OPA1: variants seen among roughly 807,000 people sequenced by gnomAD.
OPA1 encodes dynamin-like GTPase OPA1, mitochondrial.
In OPA1, 59 loss-of-function variants were observed where a neutral mutation model predicts 152.9. That is an observed-to-expected ratio of 0.39 (90% CI 0.31 to 0.48). OPA1 has a LOEUF of 0.48. OPA1 is among the 20% of genes least tolerant of loss of function. OPA1 has a pLI of 0.96. For missense variants in OPA1, 1,008 were observed against 1,216.8 expected, an observed-to-expected ratio of 0.83 and a Z score of 2.55; for synonymous variants, 400 against 389.9, an observed-to-expected ratio of 1.03 and a Z score of -0.31.
Position 193,643,013 on chromosome 3 carries a change from G to A in OPA1, c.1269G>A (p.Arg423=). The change falls in exon 13 of 31, where the codon AGG becomes AGA. Residue 423 remains arginine, a synonymous_variant. Coordinates refer to ENST00000361510, the MANE Select transcript of OPA1 (RefSeq NM_130837.3). The part of the protein sequence containing the change: ...ALRHEIELRM[R]KNVKEGCTVS... Reference sequence around the variant, plus strand: ...GACATGAAATAGAACTTCGAATGAGGAAAAATGTGAAAGAAGGCTGTACCG... The same window carrying A: ...GACATGAAATAGAACTTCGAATGAGAAAAAATGTGAAAGAAGGCTGTACCG... 1 of 1,613,898 alleles carries A rather than the reference G, an allele frequency of 6.2e-7. No individual in the cohort carries two copies. The highest frequency in any genetic ancestry group is 8.5e-7 in the Non-Finnish European group (1 of 1,179,850).
At chr3:193,598,063 A>G (rs185036051) in intron 1 of OPA1, among the ~76,000 whole-genome samples, 4 of 152,360 alleles carry the variant, frequency 2.6e-5, no homozygotes, top group Admixed American at 2.6e-4. Context: ...GTTGGGCAAC[A>G]GAGCAAGACT....
rs960680557 is a variant in OPA1 at position 193,644,442 on chromosome 3, A to G, written c.1608+337A>G. 4.1e-4 allele frequency among the ~76,000 whole-genome samples: 62 copies of G among 152,176 alleles called. 2 individuals are homozygous for G. The highest frequency in any genetic ancestry group is 4.1e-3 in the Admixed American group (62 of 15,276). On this transcript the variant is annotated intron_variant, in intron 16 of 30. Coordinates refer to ENST00000361510, the MANE Select transcript of OPA1 (RefSeq NM_130837.3). ...CACCCTCATGTACCAAAATTATTTC[A>G]TACTCCCAAAAGGAAAGCATATGTT...
chr3:193,671,182 C>T (rs1158386441), intron 29 of OPA1, among the ~76,000 whole-genome samples: 1 of 152,182 alleles, frequency 6.6e-6, no homozygotes. Flanking sequence ...AGTAACTTTA[C>T]AGTGGATGAA....
At chr3:193,660,626 C>G (rs1368887975) in intron 25 of OPA1, among the ~76,000 whole-genome samples, 1 of 151,946 alleles carries the variant, frequency 6.6e-6, no homozygotes, top group African/African-American at 2.4e-5. Flanking sequence ...TTCATAAGTT[C>G]TCTATCAGAT....
At chr3:193,633,804 C>G (rs879656344) in intron 8 of OPA1, among the ~76,000 whole-genome samples, 9 of 152,168 alleles carry the variant, frequency 5.9e-5, no homozygotes, top group Non-Finnish European at 1.2e-4. Context: ...TGCTTGATAA[C>G]TACATGTGGC....
At chr3:193,689,093 A>G (rs1451098084) in intron 29 of OPA1, 2 of 152,232 alleles carry the variant, frequency 1.3e-5, no homozygotes, top group Non-Finnish European at 2.9e-5. Flanking sequence ...AGGTTGTATG[A>G]GAACCAAATG....
intron 29 of OPA1, chr3:193,668,935 C>T: frequency 1.1e-6 from 1 of 879,134 alleles, no homozygotes; most frequent in Non-Finnish European, 1.4e-6. Flanking sequence ...GTTGGTACCT[C>T]TGTTTGAGCC....
intron 1 of OPA1, among the ~76,000 whole-genome samples, chr3:193,600,025 A>C (rs1726224407): frequency 6.6e-6 from 1 of 152,346 alleles, no homozygotes; most frequent in South Asian, 2.1e-4. Flanking sequence ...GCCAACACTC[A>C]GCTGTTATTA....
chr3:193,603,157 A>G (rs1718571310), intron 1 of OPA1, among the ~76,000 whole-genome samples: 1 of 152,234 alleles, frequency 6.6e-6, no homozygotes, highest in Non-Finnish European at 1.5e-5. Flanking sequence ...CTGTTCCATG[A>G]TGAGCTGTGG....
intron 1 of OPA1, among the ~76,000 whole-genome samples, chr3:193,613,545 C>G (rs1233584359): frequency 6.6e-6 from 1 of 151,766 alleles, no homozygotes; most frequent in Admixed American, 6.6e-5. Context: ...TTCCTTGATT[C>G]CTCCTCCTCC....
At position 193,683,073 on chromosome 3, in the gene OPA1, G is replaced by A. The variant is rs142760573; in HGVS notation, c.2984-8990G>A. Among the ~76,000 whole-genome samples, 3 of 152,268 alleles carry A rather than the reference G, an allele frequency of 2.0e-5. No homozygotes were observed. In the East Asian group the frequency reaches 5.8e-4, roughly 29 times the overall value. On this transcript the variant is annotated intron_variant, in intron 29 of 30. Transcript: ENST00000361510. ...AGGATTCATGGGAGGAGGTCAGAAT[G>A]TCACCATTAACAGTTTGGAAGAAGT...
At chr3:193,689,595 G>A (rs899335570) in intron 29 of OPA1, among the ~76,000 whole-genome samples, 1 of 152,122 alleles carries the variant, frequency 6.6e-6, no homozygotes, top group African/African-American at 2.4e-5. Flanking sequence ...GTGGCTCTTG[G>A]TATCTTTCAA....
At chr3:193,600,069 T>C (rs1207073285) in intron 1 of OPA1, among the ~76,000 whole-genome samples, 1 of 152,228 alleles carries the variant, frequency 6.6e-6, no homozygotes, top group African/African-American at 2.4e-5. Context: ...TTTTCGATTT[T>C]GTCTGCCTAT....
At chr3:193,600,028 T>C (rs1202337620) in intron 1 of OPA1, among the ~76,000 whole-genome samples, 1 of 152,234 alleles carries the variant, frequency 6.6e-6, no homozygotes, top group Non-Finnish European at 1.5e-5. Flanking sequence ...AACACTCAGC[T>C]GTTATTACAG....
chr3:193,633,840 A>AG lies in OPA1; in HGVS notation c.844-1577dup, dbSNP rs147568403. On this transcript the variant is annotated intron_variant, in intron 8 of 30. Transcript: ENST00000361510. Reference sequence around the variant, plus strand: ...TAGTAGCTGCCGTGTTAAACAACACAGATCTAATCCTTAGATACTACCAGA... The same window carrying AG: ...TAGTAGCTGCCGTGTTAAACAACACAGGATCTAATCCTTAGATACTACCAGA... 3.3e-3 allele frequency among the ~76,000 whole-genome samples: 499 copies of AG among 152,330 alleles called. 2 individuals carry two copies. Among genetic ancestry groups the AG allele is most frequent in the African/African-American group, 0.011 (466 of 41,578 alleles).
At chr3:193,657,597 T>C (rs1308297035) in intron 23 of OPA1, among the ~76,000 whole-genome samples, 1 of 152,232 alleles carries the variant, frequency 6.6e-6, no homozygotes, top group Non-Finnish European at 1.5e-5. Context: ...TTTCAGTGGA[T>C]TATAAAATGT....
intron 6 of OPA1, 130 bp from the exon 7 acceptor site, chr3:193,625,962 A>T: frequency 1.3e-6 from 1 of 751,426 alleles, no homozygotes; most frequent in Non-Finnish European, 2.4e-6. Flanking sequence ...TGACGGCTTT[A>T]AATGAGTTTC....
chr3:193,645,209 G>T (rs923133354), intron 16 of OPA1, among the ~76,000 whole-genome samples: 13 of 152,016 alleles, frequency 8.6e-5, no homozygotes, highest in African/African-American at 3.1e-4. Context: ...GTATCATATT[G>T]TCCCATAATC....
intron 1 of OPA1, among the ~76,000 whole-genome samples, chr3:193,601,551 C>T (rs1165274737): frequency 1.3e-5 from 2 of 152,118 alleles, no homozygotes; most frequent in Non-Finnish European, 1.5e-5. Flanking sequence ...GAATAACATC[C>T]AGTGGGAAAT....
Sources: allele counts gnomAD v4.1 joint callset (sites outside exome capture counted in the v4.1 genomes callset), GRCh38; gene constraint gnomAD v4.1.1; transcripts MANE v1.5; gene names NCBI Gene and HGNC (gene_info 2026-07-23, HGNC 2026-07-21).